Variants in ATXN1 observed in about 807,000 individuals in gnomAD.
The protein encoded by ATXN1 is ataxin-1.
Under a neutral mutation model 56.4 loss-of-function variants are expected in ATXN1, and 8 were observed. The observed-to-expected ratio is 0.14, with a 90% confidence interval of 0.08 to 0.26. The LOEUF (loss-of-function observed/expected upper bound fraction) is 0.26. Among genes scored for constraint, ATXN1 ranks in the 10% least tolerant of loss-of-function variants. The pLI is 1.00. For missense variants in ATXN1, 987 were observed against 1,106.5 expected (o/e 0.89, Z 1.53); for synonymous variants, 514 against 494.6 (o/e 1.04, Z -0.52).
At chr6:16,565,334 G>A (rs1762197275) in intron 4 of ATXN1, among the ~76,000 whole-genome samples, 1 of 151,942 alleles carries the variant, frequency 6.6e-6, no homozygotes, top group South Asian at 2.1e-4. Context: ...TTTTGTTTAG[G>A]GAAGAAACTG....
chr6:16,382,068 G>A (rs1400374908), intron 6 of ATXN1, among the ~76,000 whole-genome samples: 1 of 152,144 alleles, frequency 6.6e-6, no homozygotes, highest in Non-Finnish European at 1.5e-5. Context: ...TTTGGGCCAG[G>A]CCTGGTGGCT....
intron 2 of ATXN1, among the ~76,000 whole-genome samples, chr6:16,676,995 C>T (rs1758675292): frequency 6.6e-6 from 1 of 151,918 alleles, no homozygotes; most frequent in Non-Finnish European, 1.5e-5. Flanking sequence ...TTTGCTGTTT[C>T]ATTTTATTTT....
intron 3 of ATXN1, among the ~76,000 whole-genome samples, chr6:16,606,904 G>C (rs1763020166): frequency 3.8e-5 from 1 of 26,122 alleles, no homozygotes; most frequent in South Asian, 2.4e-3. Flanking sequence ...GTTTGTTTTT[G>C]AGACGGACTT....
chr6:16,676,269 C>G (rs1758658835), intron 2 of ATXN1, among the ~76,000 whole-genome samples: 1 of 152,206 alleles, frequency 6.6e-6, no homozygotes, highest in African/African-American at 2.4e-5. Context: ...AATGCTCTTA[C>G]ATGGACTGAG....
intron 2 of ATXN1, among the ~76,000 whole-genome samples, chr6:16,708,389 C>CCA (rs201577925): frequency 0.03 from 608 of 20,046 alleles, 5 homozygotes; most frequent in African/African-American, 0.11. Context: ...TAAAAATTCC[C>CCA]CACGTCTGTG....
chr6:16,442,227 T>C (rs79994578), intron 6 of ATXN1, among the ~76,000 whole-genome samples: 10,697 of 152,156 alleles, frequency 0.07, 447 homozygotes, highest in Non-Finnish European at 0.098. Flanking sequence ...GCCAAAATGA[T>C]CTTCCAGCCA....
intron 2 of ATXN1, among the ~76,000 whole-genome samples, chr6:16,720,259 C>T (rs1221293585): frequency 6.6e-6 from 1 of 152,102 alleles, no homozygotes; most frequent in Non-Finnish European, 1.5e-5. Flanking sequence ...CAAAAGAATC[C>T]CCTTCGCCCC....
intron 4 of ATXN1, among the ~76,000 whole-genome samples, chr6:16,553,790 C>A (rs1761963714): frequency 6.6e-6 from 1 of 152,196 alleles, no homozygotes; most frequent in South Asian, 2.1e-4. Flanking sequence ...AGGAATGTGT[C>A]ACGCCCCTAA....
At chr6:16,617,102 T>C (rs1269893399) in intron 3 of ATXN1, among the ~76,000 whole-genome samples, 1 of 152,138 alleles carries the variant, frequency 6.6e-6, no homozygotes, top group African/African-American at 2.4e-5. Flanking sequence ...GTATGGAACA[T>C]GCCCCCAGTT....
At chr6:16,596,959 G>T (rs183785512) in intron 3 of ATXN1, among the ~76,000 whole-genome samples, 8 of 152,310 alleles carry the variant, frequency 5.3e-5, no homozygotes, top group African/African-American at 1.9e-4. Flanking sequence ...CTGCCACAGG[G>T]ACAGCCTTCC....
At chr6:16,385,564 G>A in intron 6 of ATXN1, among the ~76,000 whole-genome samples, 1 of 152,194 alleles carries the variant, frequency 6.6e-6, no homozygotes, top group East Asian at 1.9e-4. Context: ...CAAGAGATAT[G>A]GGAGAAATCA....
chr6:16,522,994 G>A (rs2113696967), intron 4 of ATXN1, among the ~76,000 whole-genome samples: 1 of 152,230 alleles, frequency 6.6e-6, no homozygotes, highest in South Asian at 2.1e-4. Context: ...AATTTTTTAG[G>A]TGCCTTTCTT....
chr6:16,571,385 C>G (rs1357070080), intron 4 of ATXN1, among the ~76,000 whole-genome samples: 1 of 152,174 alleles, frequency 6.6e-6, no homozygotes, highest in East Asian at 1.9e-4. Context: ...AACATATGTG[C>G]TTCCACAGCA....
intron 6 of ATXN1, among the ~76,000 whole-genome samples, chr6:16,456,955 C>G (rs919677031): frequency 2.0e-5 from 3 of 152,174 alleles, no homozygotes; most frequent in African/African-American, 7.2e-5. Context: ...TAGGAGGAGA[C>G]TCAGAAATTA....
intron 4 of ATXN1, among the ~76,000 whole-genome samples, chr6:16,527,898 G>C (rs1468750324): frequency 6.6e-6 from 1 of 151,980 alleles, no homozygotes; most frequent in Non-Finnish European, 1.5e-5. Context: ...CTTCTTATAG[G>C]GACAGAGTTT....
At chr6:16,747,958 C>G (rs2113524935) in intron 2 of ATXN1, among the ~76,000 whole-genome samples, 1 of 152,338 alleles carries the variant, frequency 6.6e-6, no homozygotes, top group East Asian at 1.9e-4. Flanking sequence ...ACCTATCACA[C>G]TGGAGAGACA....
chr6:16,348,199 G>A (rs978311104), intron 6 of ATXN1, among the ~76,000 whole-genome samples: 27 of 152,288 alleles, frequency 1.8e-4, no homozygotes, highest in Non-Finnish European at 1.8e-4. Flanking sequence ...TAGTAGCTGG[G>A]ATTACAGACT....
intron 3 of ATXN1, among the ~76,000 whole-genome samples, chr6:16,648,810 T>C (rs180710382): frequency 6.1e-4 from 93 of 152,342 alleles, no homozygotes; most frequent in African/African-American, 1.8e-3. Flanking sequence ...AGTTCACCTT[T>C]TGGCATGACT....
chr6:16,469,954 C>A (rs1277810071), intron 6 of ATXN1, among the ~76,000 whole-genome samples: 2 of 87,374 alleles, frequency 2.3e-5, no homozygotes, highest in African/African-American at 4.8e-5. Flanking sequence ...GAGCAAAACT[C>A]TGTCTCAAAA....
Sources: gnomAD v4.1 joint callset for allele counts (sites outside exome capture counted in the v4.1 genomes callset) on GRCh38, gnomAD v4.1.1 for gene constraint, MANE v1.5 for transcripts, NCBI Gene and HGNC (gene_info 2026-07-23, HGNC 2026-07-21) for gene names.